The following SNX27 variants were observed in gnomAD, a reference collection of about 807,000 sequenced individuals.
The protein encoded by SNX27 is sorting nexin 27, also known as sorting nexin-27.
SNX27 carries 22 observed loss-of-function variants against 71.6 expected under a neutral mutation model. The observed-to-expected ratio is 0.31, with a 90% CI of 0.22 to 0.44. The LOEUF is 0.44. Ranked by LOEUF, SNX27 falls within the 20% of genes least tolerant of loss-of-function variation. The pLI is 1.00. For missense variants in SNX27, 531 were observed against 698.6 expected (o/e 0.76, Z 2.70); for synonymous variants, 269 against 277.2 (o/e 0.97, Z 0.29).
chr1:151,649,629 A>G (rs549601547), intron 2 of SNX27, among the ~76,000 whole-genome samples: 1 of 152,288 alleles, frequency 6.6e-6, no homozygotes, highest in South Asian at 2.1e-4. Flanking sequence ...ATAGTTTCTG[A>G]TGAGAAGCCT....
intron 8 of SNX27, among the ~76,000 whole-genome samples, chr1:151,690,717 G>C (rs1671400758): frequency 1.3e-5 from 2 of 152,078 alleles, no homozygotes; most frequent in Non-Finnish European, 2.9e-5. Flanking sequence ...AAAGTGTTGG[G>C]ATTACAAGTG....
intron 1 of SNX27, among the ~76,000 whole-genome samples, chr1:151,636,972 CT>C (rs1668486401): frequency 6.6e-6 from 1 of 152,104 alleles, no homozygotes; most frequent in Admixed American, 6.5e-5. Flanking sequence ...CACAGCAACT[CT>C]GTTAGGAACT....
Position 151,638,881 on chromosome 1 carries a change from C to G in SNX27, c.312-7C>G. 3.1e-6 allele frequency: 5 copies of G among 1,613,104 alleles called. No homozygotes were observed. The highest frequency in any genetic ancestry group is 4.2e-6 in the Non-Finnish European group (5 of 1,179,666). On this transcript the variant is annotated splice_polypyrimidine_tract_variant and splice_region_variant and intron_variant, in intron 1 of 11. Coordinates refer to ENST00000458013, the MANE Select transcript of SNX27 (RefSeq NM_001330723.2). Reference sequence around the variant, plus strand: ...ATGGGATTGTCTTTTTCCCTTTTTCCCCTTAGGAACCACGTGAATGTTGAG... The same window carrying G: ...ATGGGATTGTCTTTTTCCCTTTTTCGCCTTAGGAACCACGTGAATGTTGAG...
In SNX27 at chr1:151,694,544, A is replaced by C. The variant is rs1190897016; in HGVS notation, c.*127A>C. 8.6e-6 allele frequency: 8 copies of C among 930,112 alleles called. No individual in the cohort carries two copies. The highest frequency in any genetic ancestry group is 1.2e-5 in the Non-Finnish European group (8 of 644,020). The allele number at this position is 930,112 out of a possible 1,614,324, so 57.6% of individuals were successfully genotyped here. ...TAAAGTCGTTATATTCAAAAGCCCT[A>C]AACTAAATATTATTAATAACCCCCT... On this transcript the variant is annotated 3_prime_UTR_variant, in exon 12 of 12. Coordinates refer to ENST00000458013, the MANE Select transcript of SNX27 (RefSeq NM_001330723.2).
chr1:151,650,496 C>G (rs1284470515), intron 2 of SNX27, among the ~76,000 whole-genome samples: 1 of 152,102 alleles, frequency 6.6e-6, no homozygotes, highest in Admixed American at 6.6e-5. Context: ...TTCTTTTTCT[C>G]TTGCCTTTCT....
intron 2 of SNX27, among the ~76,000 whole-genome samples, chr1:151,655,220 C>T (rs2102670713): frequency 6.6e-6 from 1 of 152,070 alleles, no homozygotes; most frequent in African/African-American, 2.4e-5. Context: ...TACTCTAGAA[C>T]CAATTTAGCT....
chr1:151,683,306 T>C (rs1558073007), intron 7 of SNX27, 50 bp from the exon 8 acceptor site: 2 of 1,449,408 alleles, frequency 1.4e-6, no homozygotes, highest in Non-Finnish European at 1.9e-6. Context: ...AGAATGTACA[T>C]AATAATGATT....
chr1:151,694,073 A>C (rs545104602), intron 11 of SNX27: 1 of 1,239,328 alleles, frequency 8.1e-7, no homozygotes, highest in East Asian at 3.5e-5. Context: ...GGGCTCTGGG[A>C]ATTTTATCTG....
At chr1:151,668,699 T>C (rs1180775369) in intron 7 of SNX27, 64 bp downstream of exon 7, 4 of 1,489,430 alleles carry the variant, frequency 2.7e-6, no homozygotes, top group Non-Finnish European at 3.6e-6. Flanking sequence ...GTTGGTACTT[T>C]GCCAATTCCC....
In SNX27 at chr1:151,661,808, C is replaced by T. The variant is rs907556382; in HGVS notation, c.802-358C>T. ...ACCATTAATACCAGAGAATATACAT[C>T]GAAACTACTGCTTTCAGTTGTTTTC... On this transcript the variant is annotated intron_variant, in intron 4 of 11. Coordinates refer to ENST00000458013, the MANE Select transcript of SNX27 (RefSeq NM_001330723.2). Among the ~76,000 whole-genome samples, 6 of 152,210 alleles carry T rather than the reference C, an allele frequency of 3.9e-5. No individual in the cohort carries two copies. In the South Asian group the frequency reaches 6.2e-4, roughly 16 times the overall value.
At chr1:151,688,672 G>T (rs1185200477) in intron 8 of SNX27, among the ~76,000 whole-genome samples, 1 of 150,280 alleles carries the variant, frequency 6.7e-6, no homozygotes, top group Non-Finnish European at 1.5e-5. Flanking sequence ...ACGAATTTTT[G>T]ATTTATATAA....
chr1:151,685,169 A>T (rs1226129539), intron 8 of SNX27, among the ~76,000 whole-genome samples: 1 of 150,182 alleles, frequency 6.7e-6, no homozygotes, highest in Non-Finnish European at 1.5e-5. Context: ...CAGAAAAGTT[A>T]AAAAAAAAAT....
At position 151,668,631 on chromosome 1, in the gene SNX27, A is replaced by T. The variant is rs750946537; in HGVS notation, c.1145A>T (p.His382Leu). The change falls in exon 7 of 12, where the codon CAT becomes CTT. Residue 382 changes from histidine (H) to leucine (L), a missense_variant. Physicochemically the swap from His to Leu is moderately conservative, Grantham distance 99. Coordinates refer to ENST00000458013, the MANE Select transcript of SNX27 (RefSeq NM_001330723.2). ...DNDLAVTYFF[H>L]QAVDDVKKGY... Reference sequence around the variant, plus strand: ...GACCTTGCTGTTACCTACTTCTTTCATCAGGTAGGTGAATTGATCTTCTTG... The same window carrying T: ...GACCTTGCTGTTACCTACTTCTTTCTTCAGGTAGGTGAATTGATCTTCTTG... 2.5e-6 allele frequency: 4 copies of T among 1,611,384 alleles called. No individual in the cohort carries two copies. The highest frequency in any genetic ancestry group is 1.7e-5 in the Admixed American group (1 of 59,350).
At chr1:151,652,219 G>GGAGAGA in intron 2 of SNX27, among the ~76,000 whole-genome samples, 1 of 114,330 alleles carries the variant, frequency 8.7e-6, no homozygotes, top group Non-Finnish European at 1.9e-5. Context: ...AGAGGGAGAG[G>GGAGAGA]GAGAGGGAGA....
intron 2 of SNX27, among the ~76,000 whole-genome samples, chr1:151,645,989 G>A (rs1268883262): frequency 6.6e-6 from 1 of 152,152 alleles, no homozygotes; most frequent in East Asian, 1.9e-4. Flanking sequence ...GGAGTTTTCA[G>A]TTCTGTCAGG....
chr1:151,683,352 A>G lies in SNX27; in HGVS notation c.1150-4A>G, dbSNP rs746469264. 4.3e-6 allele frequency: 7 copies of G among 1,609,652 alleles called. No homozygotes were observed. The highest frequency in any genetic ancestry group is 5.1e-6 in the Non-Finnish European group (6 of 1,178,202). ...TTTCTGCTCTACTTCTGTTTTGGTG[A>G]TAGGCAGTCGATGATGTGAAGAAAG... On this transcript the variant is annotated splice_polypyrimidine_tract_variant and splice_region_variant and intron_variant, in intron 7 of 11. Transcript: ENST00000458013.
intron 2 of SNX27, among the ~76,000 whole-genome samples, chr1:151,651,352 G>A (rs540749392): frequency 4.2e-4 from 62 of 149,154 alleles, no homozygotes; most frequent in African/African-American, 1.3e-3. Flanking sequence ...CCTCCCTCCC[G>A]GATGGGGCGG....
rs375334895 is a variant in SNX27, at chr1:151,636,763, AT to A, written c.312-2117del. ...TGGTGATTTCTAAACTTGCTTTTTCATTTTTTTTCTTATACCATCAAATCAT... is the reference window on the plus strand; with the variant it reads ...TGGTGATTTCTAAACTTGCTTTTTCATTTTTTTCTTATACCATCAAATCAT... On this transcript the variant is annotated intron_variant, in intron 1 of 11. Transcript: ENST00000458013. Among the ~76,000 whole-genome samples, 104 of 149,070 alleles carry A rather than the reference AT, an allele frequency of 7.0e-4. 1 individual carries two copies. The highest frequency in any genetic ancestry group is 3.4e-3 in the Middle Eastern group (1 of 290).
intron 2 of SNX27, among the ~76,000 whole-genome samples, chr1:151,653,981 C>T (rs1343194882): frequency 1.3e-5 from 2 of 152,042 alleles, no homozygotes; most frequent in Non-Finnish European, 2.9e-5. Flanking sequence ...TACAGGCGCA[C>T]ACCACCACGC....
Sources: gnomAD v4.1 joint callset for allele counts (sites outside exome capture counted in the v4.1 genomes callset) on GRCh38, gnomAD v4.1.1 for gene constraint, MANE v1.5 for transcripts, NCBI Gene and HGNC (gene_info 2026-07-23, HGNC 2026-07-21) for gene names.